RFX2: variants seen among roughly 807,000 people sequenced by gnomAD.
The protein encoded by RFX2 is regulatory factor X2, also known as DNA-binding protein RFX2.
In RFX2, 20 loss-of-function variants were observed where a neutral mutation model predicts 87.8. The observed-to-expected ratio is 0.23, with a 90% CI of 0.16 to 0.33. The LOEUF (loss-of-function observed/expected upper bound fraction) is 0.33, where lower values mean the gene tolerates loss of function less well. RFX2 is among the 10% of genes least tolerant of loss of function. The pLI, the probability that RFX2 is intolerant of heterozygous loss-of-function variation, is 1.00. For synonymous variants in RFX2, 397 were observed against 431.3 expected (o/e 0.92, Z 0.98); for missense variants, 767 against 1,012.3 (o/e 0.76, Z 3.29).
chr19:6,016,163 C>G lies in RFX2; in HGVS notation c.706G>C (p.Val236Leu). 1 of 1,614,136 alleles carries G rather than the reference C, an allele frequency of 6.2e-7. No individual in the cohort carries two copies. Among genetic ancestry groups the G allele is most frequent in the Non-Finnish European group, 8.5e-7 (1 of 1,179,972 alleles). ...AGTTTCCCGAAGGAGGCGGCGTTCACTGGGTCTAGCTTGTGCTCCTGGCAG... is the reference window on the plus strand; with the variant it reads ...AGTTTCCCGAAGGAGGCGGCGTTCAGTGGGTCTAGCTTGTGCTCCTGGCAG... ...RHCQEHKLDPVNAASFGKLIR... is the reference protein window; with the variant it reads ...RHCQEHKLDPLNAASFGKLIR... Residue 236 changes from valine to leucine, a missense_variant, in exon 7 of 18, where the codon GTG (valine) becomes CTG (leucine). Transcript: ENST00000303657. The surrounding 1 kb of genome is among the most constrained non-coding windows in gnomAD (Gnocchi z 5.4).
chr19:6,041,963 A>G, intron 4 of RFX2, 81 bp downstream of exon 4: 1 of 1,069,694 alleles, frequency 9.3e-7, no homozygotes, highest in Middle Eastern at 2.2e-4. Flanking sequence ...AGGGAGAGGA[A>G]TTTGCTTGAT....
intron 1 of RFX2, chr19:6,072,018 G>A (rs1341755716): frequency 1.3e-5 from 2 of 152,172 alleles, no homozygotes; most frequent in Non-Finnish European, 2.9e-5. Context: ...GTCCAGGAGG[G>A]GCGAGAACAA....
chr19:6,002,026 G>A lies in RFX2; in HGVS notation c.1651-3C>T, dbSNP rs746140588. The A allele has an allele frequency of 3.5e-5, 56 of 1,602,730 alleles. No homozygotes were observed. Among genetic ancestry groups the A allele is most frequent in the Non-Finnish European group, 4.7e-5 (55 of 1,175,928 alleles). On this transcript the variant is annotated splice_polypyrimidine_tract_variant and splice_region_variant and intron_variant, in intron 14 of 17. Transcript: ENST00000303657. The surrounding 1 kb of genome is among the most constrained non-coding windows in gnomAD (Gnocchi z 6.7). ...TGGCACACCCACGAGGCCTGCTCCT[G>A]TGGGCAGGGCAGAGGCCAGTGTCAG...
At position 6,083,789 on chromosome 19, in the gene RFX2, A is replaced by T. The variant is rs999052187; in HGVS notation, c.-9+26604T>A. Among the ~76,000 whole-genome samples the T allele has an allele frequency of 3.3e-5, 5 of 151,852 alleles. No individual in the cohort carries two copies. Among genetic ancestry groups the T allele is most frequent in the African/African-American group, 1.2e-4 (5 of 41,312 alleles). ...GTCTCACCATCTTGCCCAGGCTGTG[A>T]CCCCTATCTTGGATGGCCTTTGGGG... On this transcript the variant is annotated intron_variant, in intron 1 of 17. Transcript: ENST00000303657. This position sits in a 1 kb window ranked among gnomAD's most constrained non-coding sequence, Gnocchi z 4.6.
rs953238610 is a variant in RFX2 at position 5,999,302 on chromosome 19, C to T, written c.1860-2089G>A. On this transcript the variant is annotated intron_variant, in intron 15 of 17. Transcript: ENST00000303657. The surrounding 1 kb of genome is among the most constrained non-coding windows in gnomAD (Gnocchi z 4.1). ...TGAAGTGGAACAGTGTCTCGGTCTC[C>T]CTTGTGAAGAGCACCCCCACCTTGC... is the stretch of plus-strand genomic sequence containing the variant. Among the ~76,000 whole-genome samples the T allele has an allele frequency of 3.9e-5, 6 of 152,100 alleles. No individual in the cohort carries two copies. The highest frequency in any genetic ancestry group is 3.9e-4 in the Admixed American group (6 of 15,262).
At chr19:6,008,916 G>A (rs763894647) in intron 9 of RFX2, among the ~76,000 whole-genome samples, 16 of 152,062 alleles carry the variant, frequency 1.1e-4, no homozygotes, top group Non-Finnish European at 2.1e-4. Flanking sequence ...CCAACCTCAA[G>A]TGATCTGCCT....
At position 6,074,187 on chromosome 19, in the gene RFX2, T is replaced by C. The variant is rs781428147; in HGVS notation, c.-8-26683A>G. Among the ~76,000 whole-genome samples the C allele has an allele frequency of 6.6e-6, 1 of 151,480 alleles. No individual in the cohort carries two copies. Among genetic ancestry groups the C allele is most frequent in the Non-Finnish European group, 1.5e-5 (1 of 67,870 alleles). ...CAGGTGGGCAAACAGAGAGCCGGGG[T>C]TTTGTAGCAGGGGTGGGGGTGCGGT... On this transcript the variant is annotated intron_variant, in intron 1 of 17. Coordinates refer to ENST00000303657, the MANE Select transcript of RFX2 (RefSeq NM_000635.4). The surrounding 1 kb of genome is among the most constrained non-coding windows in gnomAD (Gnocchi z 5.2).
At chr19:6,068,935 G>C (rs2144826581) in intron 1 of RFX2, among the ~76,000 whole-genome samples, 1 of 152,266 alleles carries the variant, frequency 6.6e-6, no homozygotes, top group South Asian at 2.1e-4. Flanking sequence ...GGGGGGCCTG[G>C]CTGTGAGCCA....
intron 16 of RFX2, among the ~76,000 whole-genome samples, chr19:5,996,037 C>T (rs80046005): frequency 0.016 from 2,497 of 152,372 alleles, 27 homozygotes; most frequent in Middle Eastern, 0.031. Context: ...CCGGCGTTCA[C>T]GCCAATGTGC....
At chr19:5,995,264 GACGGGGCCCGGGGGTC>G (rs2086390177) in intron 17 of RFX2, among the ~76,000 whole-genome samples, 1 of 152,180 alleles carries the variant, frequency 6.6e-6, no homozygotes, top group Non-Finnish European at 1.5e-5. Context: ...ATGGGACAGA[GACGGGGCCCGGGGGTC>G]CCTCTGGCCT....
chr19:6,085,991 C>T (rs552816672), intron 1 of RFX2, among the ~76,000 whole-genome samples: 1 of 146,796 alleles, frequency 6.8e-6, no homozygotes, highest in African/African-American at 2.5e-5. Context: ...AGTTGGGAGG[C>T]AGAAGCAGGA....
At chr19:6,042,144 C>G in intron 3 of RFX2, 21 bp from the exon 4 acceptor site, 1 of 1,610,834 alleles carries the variant, frequency 6.2e-7, no homozygotes, top group Non-Finnish European at 8.5e-7. Flanking sequence ...GGATACGCTG[C>G]GTTACCGCCA....
At position 5,994,767 on chromosome 19, in the gene RFX2, G is replaced by A; in HGVS notation, c.*68C>T. ...GAGGCACTAATTTGGTGGAGCCGGT[G>A]AAATCCAGGTTCCCAGAGTGACCAG... is the stretch of plus-strand genomic sequence containing the variant. On this transcript the variant is annotated 3_prime_UTR_variant, in exon 18 of 18. Coordinates refer to ENST00000303657, the MANE Select transcript of RFX2 (RefSeq NM_000635.4). 1 of 1,047,724 alleles carries A rather than the reference G, an allele frequency of 9.5e-7. No individual in the cohort carries two copies. Among genetic ancestry groups the A allele is most frequent in the Non-Finnish European group, 1.4e-6 (1 of 693,354 alleles). The allele number at this position is 1,047,724 out of a possible 1,614,324, so 64.9% of individuals were successfully genotyped here. A position where few individuals can be genotyped will look rare whatever the true frequency, so the allele number is the denominator to read the frequency against.
chr19:6,009,498 G>C (rs1026482032), intron 9 of RFX2, among the ~76,000 whole-genome samples: 42 of 152,190 alleles, frequency 2.8e-4, no homozygotes, highest in African/African-American at 1.0e-3. Context: ...CACCCCAAAA[G>C]CTCCAGGCAA....
Position 6,012,532 on chromosome 19 carries a change from A to G in RFX2, c.899+454T>C, listed in dbSNP as rs1020819448. On this transcript the variant is annotated intron_variant, in intron 8 of 17. Coordinates refer to ENST00000303657, the MANE Select transcript of RFX2 (RefSeq NM_000635.4). This position sits in a 1 kb window ranked among gnomAD's most constrained non-coding sequence, Gnocchi z 4.6. Reference sequence around the variant, plus strand: ...TAGGTTTGTCCAAACTGTCGAATGTACAACACCAAGAGTGAGCCCTGATGT... The same window carrying G: ...TAGGTTTGTCCAAACTGTCGAATGTGCAACACCAAGAGTGAGCCCTGATGT... 6.6e-6 allele frequency among the ~76,000 whole-genome samples: 1 copy of G among 152,080 alleles called. No homozygotes were observed. Among genetic ancestry groups the G allele is most frequent in the African/African-American group, 2.4e-5 (1 of 41,404 alleles).
In RFX2 at chr19:6,022,722, T is replaced by G. The variant is rs956666170; in HGVS notation, c.597+3441A>C. 6.6e-6 allele frequency among the ~76,000 whole-genome samples: 1 copy of G among 152,218 alleles called. No individual in the cohort carries two copies. The highest frequency in any genetic ancestry group is 1.5e-5 in the Non-Finnish European group (1 of 68,032). ...GTTTGGACACTGCTAGGGGGCCTCC[T>G]CCTCCCTGGGAGTTTCCACGCCAGG... is the stretch of plus-strand genomic sequence containing the variant. On this transcript the variant is annotated intron_variant, in intron 6 of 17. Coordinates refer to ENST00000303657, the MANE Select transcript of RFX2 (RefSeq NM_000635.4). The surrounding 1 kb of genome is among the most constrained non-coding windows in gnomAD (Gnocchi z 6.2).
rs2086648345 is a variant in RFX2 at position 6,010,603 on chromosome 19, C to T, written c.900-352G>A. Among the ~76,000 whole-genome samples, 1 of 152,154 alleles carries T rather than the reference C, an allele frequency of 6.6e-6. No individual in the cohort carries two copies. The highest frequency in any genetic ancestry group is 2.4e-5 in the African/African-American group (1 of 41,428). ...TCTGTGAATCTGACGACTCTAGGGACCTCCTAGGAGTGGGGTCACACAGGA... is the reference window on the plus strand; with the variant it reads ...TCTGTGAATCTGACGACTCTAGGGATCTCCTAGGAGTGGGGTCACACAGGA... On this transcript the variant is annotated intron_variant, in intron 8 of 17. Transcript: ENST00000303657. This position sits in a 1 kb window ranked among gnomAD's most constrained non-coding sequence, Gnocchi z 5.0.
chr19:6,002,204 G>A lies in RFX2; in HGVS notation c.1651-181C>T, dbSNP rs1364859523. On this transcript the variant is annotated intron_variant, in intron 14 of 17. Transcript: ENST00000303657. This position sits in a 1 kb window ranked among gnomAD's most constrained non-coding sequence, Gnocchi z 6.7. ...CACAGGGGCAGAATAGAGAGCTGAG[G>A]GGGATCGTACCCGGCTTCCGGGGAC... 6.6e-6 allele frequency among the ~76,000 whole-genome samples: 1 copy of A among 152,274 alleles called. No individual in the cohort carries two copies. Among genetic ancestry groups the A allele is most frequent in the African/African-American group, 2.4e-5 (1 of 41,474 alleles).
rs2086488889 is a variant in RFX2, at chr19:6,001,471, T to C, written c.1859+344A>G. ...AGAGGTCCTGATATTTTCCCCAGGG[T>C]CGTCTCAAATTTCTGGTCTCAAGCC... On this transcript the variant is annotated intron_variant, in intron 15 of 17. Coordinates refer to ENST00000303657, the MANE Select transcript of RFX2 (RefSeq NM_000635.4). This position sits in a 1 kb window ranked among gnomAD's most constrained non-coding sequence, Gnocchi z 5.6. 6.6e-6 allele frequency among the ~76,000 whole-genome samples: 1 copy of C among 152,088 alleles called. No individual in the cohort carries two copies. The highest frequency in any genetic ancestry group is 2.1e-4 in the South Asian group (1 of 4,824).
Sources: allele counts gnomAD v4.1 joint callset (sites outside exome capture counted in the v4.1 genomes callset), GRCh38; gene constraint gnomAD v4.1.1; non-coding constraint Gnocchi (gnomAD v3.1); transcripts MANE v1.5; gene names NCBI Gene and HGNC (gene_info 2026-07-23, HGNC 2026-07-21).